Variants in SGMS1 observed in about 807,000 individuals in gnomAD.
The protein encoded by SGMS1 is phosphatidylcholine:ceramide cholinephosphotransferase 1.
In SGMS1, 13 loss-of-function variants were observed where a neutral mutation model predicts 46.2. The observed-to-expected ratio is 0.28, with a 90% CI of 0.18 to 0.45. The LOEUF (loss-of-function observed/expected upper bound fraction) is 0.45. SGMS1 is among the 20% of genes least tolerant of loss of function. The pLI is 1.00. For synonymous variants in SGMS1, 203 were observed against 187.8 expected, an observed-to-expected ratio of 1.08 and a Z score of -0.66; for missense variants, 324 against 519.9, an observed-to-expected ratio of 0.62 and a Z score of 3.66.
At chr10:50,463,029 G>A (rs1056985865) in intron 4 of SGMS1, among the ~76,000 whole-genome samples, 12 of 151,556 alleles carry the variant, frequency 7.9e-5, no homozygotes, top group Admixed American at 3.3e-4. Flanking sequence ...AACTCAAGAT[G>A]GACTAAACAC....
chr10:50,619,381 G>T (rs1838826869), intron 1 of SGMS1, among the ~76,000 whole-genome samples: 1 of 152,102 alleles, frequency 6.6e-6, no homozygotes. Context: ...ATAATAAAAA[G>T]CTCTAATGTT....
intron 6 of SGMS1, among the ~76,000 whole-genome samples, chr10:50,420,027 C>T (rs975753014): frequency 5.9e-5 from 9 of 152,204 alleles, no homozygotes; most frequent in Admixed American, 4.6e-4. Context: ...CTGACTGCTT[C>T]ATCTCTCTCT....
chr10:50,541,566 G>GCTTGCCAGGTCAT (rs1838052759), intron 2 of SGMS1, among the ~76,000 whole-genome samples: 1 of 152,118 alleles, frequency 6.6e-6, no homozygotes, highest in Non-Finnish European at 1.5e-5. Context: ...ACCTAGCTCA[G>GCTTGCCAGGTCAT]CTTGCCAGGT....
chr10:50,337,603 C>A (rs1051456664), intron 7 of SGMS1, among the ~76,000 whole-genome samples: 13 of 152,192 alleles, frequency 8.5e-5, no homozygotes, highest in African/African-American at 3.1e-4. Flanking sequence ...TTGATTCAAT[C>A]AACTTAATGT....
At chr10:50,408,954 A>G (rs1362535349) in intron 6 of SGMS1, among the ~76,000 whole-genome samples, 1 of 152,218 alleles carries the variant, frequency 6.6e-6, no homozygotes, top group Non-Finnish European at 1.5e-5. Flanking sequence ...ACAAACATGG[A>G]CATATAACTT....
chr10:50,370,264 A>T (rs1021204581), intron 6 of SGMS1, among the ~76,000 whole-genome samples: 1 of 152,200 alleles, frequency 6.6e-6, no homozygotes, highest in African/African-American at 2.4e-5. Context: ...TCTTACTGTA[A>T]CATTTTACCT....
intron 7 of SGMS1, among the ~76,000 whole-genome samples, chr10:50,331,761 T>A (rs930112517): frequency 1.3e-5 from 2 of 152,174 alleles, no homozygotes; most frequent in African/African-American, 2.4e-5. Context: ...AGTGATTAGA[T>A]CACAAGGGCA....
In SGMS1 at chr10:50,392,344, T is replaced by C. The variant is rs144254484; in HGVS notation, c.-232+41132A>G. Among the ~76,000 whole-genome samples, 465 of 152,318 alleles carry C rather than the reference T, an allele frequency of 3.1e-3. 2 individuals are homozygous for C. The highest frequency in any genetic ancestry group is 3.8e-3 in the Non-Finnish European group (256 of 68,014). On this transcript the variant is annotated intron_variant, in intron 6 of 10. Transcript: ENST00000361781. ...CTAGCTATATCCATTTAGAGAGTCTTAATCAAAGCCATGGTTTCTTTATGG... is the reference window on the plus strand; with the variant it reads ...CTAGCTATATCCATTTAGAGAGTCTCAATCAAAGCCATGGTTTCTTTATGG...
chr10:50,591,757 A>G (rs1838543212), intron 1 of SGMS1, among the ~76,000 whole-genome samples: 1 of 152,264 alleles, frequency 6.6e-6, no homozygotes, highest in African/African-American at 2.4e-5. Context: ...AAAATACACT[A>G]GAATATAATG....
At chr10:50,409,789 A>G (rs1472285593) in intron 6 of SGMS1, among the ~76,000 whole-genome samples, 4 of 152,232 alleles carry the variant, frequency 2.6e-5, no homozygotes, top group African/African-American at 9.6e-5. Context: ...CTCTTTCAAT[A>G]TATCAACGGG....
chr10:50,352,462 T>C (rs901154680), intron 6 of SGMS1, among the ~76,000 whole-genome samples: 7 of 152,054 alleles, frequency 4.6e-5, no homozygotes, highest in African/African-American at 1.7e-4. Flanking sequence ...ACTAGACATT[T>C]TTCAGAACTG....
intron 8 of SGMS1, 150 bp downstream of exon 8, chr10:50,327,055 C>T (rs981983480): frequency 2.8e-5 from 14 of 508,754 alleles, no homozygotes; most frequent in Non-Finnish European, 1.4e-5. Flanking sequence ...AAGGGTGGGG[C>T]TGCCTGGCCA....
intron 5 of SGMS1, among the ~76,000 whole-genome samples, chr10:50,436,026 T>C (rs1356048301): frequency 6.6e-6 from 1 of 152,216 alleles, no homozygotes; most frequent in Non-Finnish European, 1.5e-5. Context: ...AATAGATTAG[T>C]TCAAAGAATC....
chr10:50,480,524 G>A (rs2133718046), intron 3 of SGMS1, among the ~76,000 whole-genome samples: 1 of 152,224 alleles, frequency 6.6e-6, no homozygotes, highest in African/African-American at 2.4e-5. Flanking sequence ...GCACACCCAG[G>A]AGCTGCACAG....
chr10:50,366,381 AAC>A (rs1345247471), intron 6 of SGMS1, among the ~76,000 whole-genome samples: 1 of 152,166 alleles, frequency 6.6e-6, no homozygotes, highest in Non-Finnish European at 1.5e-5. Flanking sequence ...ACCATTGTGG[AAC>A]ACAGTGTGGT....
At chr10:50,604,163 A>G (rs1396196085) in intron 1 of SGMS1, among the ~76,000 whole-genome samples, 1 of 152,154 alleles carries the variant, frequency 6.6e-6, no homozygotes, top group Non-Finnish European at 1.5e-5. Flanking sequence ...GCTCTCAGAC[A>G]GTAAGGAAAC....
intron 6 of SGMS1, among the ~76,000 whole-genome samples, chr10:50,365,893 G>A (rs1395672524): frequency 6.6e-6 from 1 of 152,228 alleles, no homozygotes; most frequent in East Asian, 1.9e-4. Flanking sequence ...CAATAAACAT[G>A]TGTGCATGTG....
chr10:50,468,992 G>A (rs1238030538), intron 3 of SGMS1, among the ~76,000 whole-genome samples: 1 of 152,186 alleles, frequency 6.6e-6, no homozygotes. Context: ...AGGGTGGAGG[G>A]TGAAGGGCTT....
At chr10:50,526,237 C>T (rs183960334) in intron 2 of SGMS1, among the ~76,000 whole-genome samples, 3 of 152,148 alleles carry the variant, frequency 2.0e-5, no homozygotes, top group Middle Eastern at 6.8e-3. Context: ...CGGCAGAAGG[C>T]GAAAGGGAAG....
Sources: allele counts gnomAD v4.1 joint callset (sites outside exome capture counted in the v4.1 genomes callset), GRCh38; gene constraint gnomAD v4.1.1; transcripts MANE v1.5; gene names NCBI Gene and HGNC (gene_info 2026-07-23, HGNC 2026-07-21).